Variants in GALNTL6 observed in about 807,000 individuals in gnomAD.
The protein encoded by GALNTL6 is polypeptide N-acetylgalactosaminyltransferase like 6, also known as polypeptide N-acetylgalactosaminyltransferase-like 6.
In GALNTL6, 46 loss-of-function variants were observed where a neutral mutation model predicts 73.7. The observed-to-expected ratio is 0.62, with a 90% CI of 0.49 to 0.80. GALNTL6 has a LOEUF of 0.80. GALNTL6 is among the 30% of genes least tolerant of loss of function. GALNTL6 has a pLI of 0.00. For synonymous variants in GALNTL6, 259 were observed against 263.7 expected (o/e 0.98, Z 0.17); for missense variants, 604 against 755.0 (o/e 0.80, Z 2.34).
intron 5 of GALNTL6, among the ~76,000 whole-genome samples, chr4:172,459,564 C>G (rs991854936): frequency 2.0e-5 from 3 of 152,136 alleles, no homozygotes; most frequent in African/African-American, 7.2e-5. Context: ...TTCTATACAT[C>G]AATGATAGAC....
chr4:171,909,319 T>C (rs1050907555), intron 2 of GALNTL6, among the ~76,000 whole-genome samples: 1 of 152,140 alleles, frequency 6.6e-6, no homozygotes, highest in Non-Finnish European at 1.5e-5. Context: ...AACTACTGTA[T>C]ATTATTTAAG....
At chr4:171,955,843 A>G (rs1325393413) in intron 2 of GALNTL6, among the ~76,000 whole-genome samples, 1 of 152,026 alleles carries the variant, frequency 6.6e-6, no homozygotes, top group Non-Finnish European at 1.5e-5. Flanking sequence ...AATTCAACAT[A>G]CTCTTAACTT....
chr4:172,303,443 T>G (rs1578932682), intron 3 of GALNTL6, among the ~76,000 whole-genome samples: 1 of 152,310 alleles, frequency 6.6e-6, no homozygotes, highest in East Asian at 1.9e-4. Flanking sequence ...AACCACACTC[T>G]TGCCATACCA....
rs1753863243 is a variant in GALNTL6 at position 173,040,648 on chromosome 4, T to C, written c.*548T>C. 6.5e-6 allele frequency: 1 copy of C among 152,684 alleles called. No homozygotes were observed. The highest frequency in any genetic ancestry group is 1.5e-5 in the Non-Finnish European group (1 of 68,068). The allele number at this position is 152,684 out of a possible 1,614,324, so 9.5% of individuals were successfully genotyped here. ...TCACACTATTCTGTTTTTTTTATTT[T>C]TATTTTTAAATGAGGGTGCAATATC... On this transcript the variant is annotated 3_prime_UTR_variant, in exon 13 of 13. Coordinates refer to ENST00000506823, the MANE Select transcript of GALNTL6 (RefSeq NM_001034845.3).
chr4:172,460,347 A>G (rs1036287772), intron 5 of GALNTL6, among the ~76,000 whole-genome samples: 6 of 138,142 alleles, frequency 4.3e-5, no homozygotes, highest in African/African-American at 2.1e-4. Flanking sequence ...AAGCAATGGC[A>G]AAAAAAGCCA....
intron 5 of GALNTL6, among the ~76,000 whole-genome samples, chr4:172,501,379 A>T (rs1561113551): frequency 6.6e-6 from 1 of 152,208 alleles, no homozygotes; most frequent in Non-Finnish European, 1.5e-5. Flanking sequence ...CATAACTCAT[A>T]CATGCCAAGA....
chr4:172,579,072 G>A (rs1458010784), intron 5 of GALNTL6, among the ~76,000 whole-genome samples: 1 of 152,166 alleles, frequency 6.6e-6, no homozygotes, highest in South Asian at 2.1e-4. Context: ...TCTTCCCAGA[G>A]ACATTGATTA....
intron 5 of GALNTL6, among the ~76,000 whole-genome samples, chr4:172,413,630 G>A (rs1744521233): frequency 6.7e-6 from 1 of 149,058 alleles, no homozygotes; most frequent in Non-Finnish European, 1.5e-5. Context: ...GACATTAAAG[G>A]TTGTAATTTA....
At position 172,453,104 on chromosome 4, in the gene GALNTL6, G is replaced by T. The variant is rs574659780; in HGVS notation, c.553+104415G>T. 3.8e-4 allele frequency among the ~76,000 whole-genome samples: 58 copies of T among 152,212 alleles called. 1 individual carries two copies. The South Asian group carries it at 0.012, about 31-fold the overall frequency. ...TAGTCCCAGCTACTCCGGAGGCTGC[G>T]GCAGAAGAATCGTTTAGAACCCAGG... On this transcript the variant is annotated intron_variant, in intron 5 of 12. Coordinates refer to ENST00000506823, the MANE Select transcript of GALNTL6 (RefSeq NM_001034845.3).
intron 5 of GALNTL6, among the ~76,000 whole-genome samples, chr4:172,430,211 G>T (rs931879130): frequency 6.6e-6 from 1 of 152,036 alleles, no homozygotes; most frequent in African/African-American, 2.4e-5. Flanking sequence ...TTGTGAATGT[G>T]TCTGATGAAT....
intron 5 of GALNTL6, among the ~76,000 whole-genome samples, chr4:172,770,509 C>G (rs17058882): frequency 0.094 from 14,260 of 151,990 alleles, 847 homozygotes; most frequent in East Asian, 0.17. Flanking sequence ...TACTTACTTG[C>G]GATTTTAAAT....
intron 7 of GALNTL6, among the ~76,000 whole-genome samples, chr4:172,834,933 A>G (rs1462641288): frequency 6.6e-6 from 1 of 152,196 alleles, no homozygotes; most frequent in South Asian, 2.1e-4. Flanking sequence ...AAACTGGGGG[A>G]AAATTATAGT....
At chr4:172,876,342 A>G (rs1050344372) in intron 7 of GALNTL6, among the ~76,000 whole-genome samples, 5 of 152,222 alleles carry the variant, frequency 3.3e-5, no homozygotes, top group Admixed American at 6.5e-5. Flanking sequence ...CTGAGAAGTC[A>G]TAATTCTGCC....
intron 2 of GALNTL6, among the ~76,000 whole-genome samples, chr4:172,141,911 ACC>A (rs763914355): frequency 0.46 from 62,744 of 136,426 alleles, 13,672 homozygotes; most frequent in East Asian, 0.78. Flanking sequence ...ACACACACAC[ACC>A]CCCCACACTC....
At chr4:171,929,054 C>G (rs1163194703) in intron 2 of GALNTL6, among the ~76,000 whole-genome samples, 1 of 151,926 alleles carries the variant, frequency 6.6e-6, no homozygotes, top group South Asian at 2.1e-4. Flanking sequence ...TCATTTGCCA[C>G]TTCATTTTAC....
At chr4:171,939,355 T>C (rs1459973414) in intron 2 of GALNTL6, among the ~76,000 whole-genome samples, 1 of 152,046 alleles carries the variant, frequency 6.6e-6, no homozygotes, top group African/African-American at 2.4e-5. Context: ...GAAAATTTGA[T>C]ATACTATTCT....
In GALNTL6 at chr4:173,039,965, C is replaced by T. The variant is rs778286027; in HGVS notation, c.1671C>T (p.Ser557=). 2 of 1,613,850 alleles carry T rather than the reference C, an allele frequency of 1.2e-6. No individual in the cohort carries two copies. The change falls in exon 13 of 13, where the codon AGC becomes AGT. Residue 557 remains serine (S), a synonymous_variant. Coordinates refer to ENST00000506823, the MANE Select transcript of GALNTL6 (RefSeq NM_001034845.3). ...DRTLFHPVSN[S]CMDCNPAEKK... is the part of the protein sequence containing the mutation. ...CATTATTCCATCCTGTGAGCAACAGCTGCATGGATTGCAACCCCGCAGAGA... is the reference window on the plus strand; with the variant it reads ...CATTATTCCATCCTGTGAGCAACAGTTGCATGGATTGCAACCCCGCAGAGA...
intron 3 of GALNTL6, among the ~76,000 whole-genome samples, chr4:172,251,554 A>T (rs937066613): frequency 1.3e-5 from 2 of 152,134 alleles, no homozygotes; most frequent in African/African-American, 2.4e-5. Flanking sequence ...ACTCTTCCCT[A>T]CATCTGGTCC....
intron 2 of GALNTL6, among the ~76,000 whole-genome samples, chr4:172,051,389 C>T (rs1168171088): frequency 1.3e-5 from 2 of 152,092 alleles, no homozygotes; most frequent in Non-Finnish European, 2.9e-5. Flanking sequence ...TGTCTGGAAT[C>T]CAGGAAGAAT....
Sources: allele counts gnomAD v4.1 joint callset (sites outside exome capture counted in the v4.1 genomes callset), GRCh38; gene constraint gnomAD v4.1.1; transcripts MANE v1.5; gene names NCBI Gene and HGNC (gene_info 2026-07-23, HGNC 2026-07-21).